Variants in SH2D4A observed in about 807,000 individuals in gnomAD.
SH2D4A encodes SH2 domain containing 4A, also known as SH2 domain-containing protein 4A.
SH2D4A carries 70 observed loss-of-function variants against 64.7 expected under a neutral mutation model. The observed-to-expected ratio is 1.08, with a 90% CI of 0.89 to 1.32. The LOEUF (loss-of-function observed/expected upper bound fraction) is 1.32. Among genes scored for constraint, SH2D4A ranks in the 40% most tolerant of loss-of-function variants. The pLI, the probability that SH2D4A is intolerant of heterozygous loss-of-function variation, is 0.00. For synonymous variants in SH2D4A, 268 were observed against 200.7 expected, an observed-to-expected ratio of 1.34 and a Z score of -2.83; for missense variants, 706 against 540.1, an observed-to-expected ratio of 1.31 and a Z score of -3.04.
At chr8:19,363,598 T>C (rs574435229) in intron 6 of SH2D4A, among the ~76,000 whole-genome samples, 13 of 152,312 alleles carry the variant, frequency 8.5e-5, no homozygotes, top group African/African-American at 3.1e-4. Flanking sequence ...TCCTGCTCTC[T>C]GCTCCTTCAC....
intron 8 of SH2D4A, among the ~76,000 whole-genome samples, chr8:19,379,568 C>T (rs11988761): frequency 0.68 from 103,667 of 151,960 alleles, 35,688 homozygotes; most frequent in East Asian, 0.93. Flanking sequence ...GGTAATTCTA[C>T]GGTTGAACTT....
chr8:19,344,273 C>T lies in SH2D4A; in HGVS notation c.513+9416C>T, dbSNP rs186017092. ...GCCATGATGGGCTCTTATCTGGAGG[C>T]CCTGGAGAAGAATCCGCTTACAGGT... On this transcript the variant is annotated intron_variant, in intron 4 of 9. Coordinates refer to ENST00000265807, the MANE Select transcript of SH2D4A (RefSeq NM_022071.4). 1.8e-3 allele frequency among the ~76,000 whole-genome samples: 281 copies of T among 152,110 alleles called. 4 individuals carry two copies. Among genetic ancestry groups the T allele is most frequent in the Non-Finnish European group, 8.8e-4 (60 of 68,002 alleles).
At chr8:19,342,284 C>A (rs2117232642) in intron 4 of SH2D4A, among the ~76,000 whole-genome samples, 1 of 152,284 alleles carries the variant, frequency 6.6e-6, no homozygotes, top group South Asian at 2.1e-4. Context: ...TAGTCAGAGT[C>A]CTCTTTGAGC....
chr8:19,372,287 G>C (rs958950611), intron 7 of SH2D4A, among the ~76,000 whole-genome samples: 5 of 152,152 alleles, frequency 3.3e-5, no homozygotes, highest in Non-Finnish European at 7.4e-5. Context: ...GCTTGCTGCA[G>C]CTCTCCCAAG....
chr8:19,334,179 A>G (rs1372551774), intron 3 of SH2D4A, among the ~76,000 whole-genome samples: 2 of 152,100 alleles, frequency 1.3e-5, no homozygotes, highest in African/African-American at 2.4e-5. Context: ...TGGGACAGAC[A>G]TGAGGACCAC....
At chr8:19,367,257 G>C (rs2153649205) in intron 7 of SH2D4A, among the ~76,000 whole-genome samples, 1 of 152,252 alleles carries the variant, frequency 6.6e-6, no homozygotes, top group Non-Finnish European at 1.5e-5. Context: ...ATTTCCTTTT[G>C]ACGTAGACCC....
chr8:19,356,676 A>C (rs1585176547), intron 4 of SH2D4A, among the ~76,000 whole-genome samples: 1 of 152,316 alleles, frequency 6.6e-6, no homozygotes, highest in Admixed American at 6.5e-5. Context: ...CTAGAGCAGG[A>C]GAAACATAGA....
intron 7 of SH2D4A, among the ~76,000 whole-genome samples, chr8:19,364,709 C>T (rs1349209047): frequency 6.6e-6 from 1 of 152,156 alleles, no homozygotes; most frequent in Non-Finnish European, 1.5e-5. Flanking sequence ...CAAAGGCTTG[C>T]TGACTTTCGT....
chr8:19,387,925 C>T (rs531242662), intron 8 of SH2D4A, among the ~76,000 whole-genome samples: 2 of 152,282 alleles, frequency 1.3e-5, no homozygotes, highest in South Asian at 2.1e-4. Flanking sequence ...GGATGAATAA[C>T]GCTAATAGTT....
intron 6 of SH2D4A, among the ~76,000 whole-genome samples, chr8:19,363,386 G>A (rs144846271): frequency 4.6e-5 from 7 of 152,048 alleles, no homozygotes; most frequent in African/African-American, 1.4e-4. Context: ...CTTATGTTGG[G>A]GGTATTTAGA....
In SH2D4A at chr8:19,393,474, C is replaced by G. The variant is rs749363544; in HGVS notation, c.1205C>G (p.Ala402Gly). Residue 402 changes from alanine (A) to glycine (G), a missense_variant, in exon 9 of 10, where the codon GCC becomes GGC. Ala to Gly is a moderately conservative substitution (Grantham distance 60). Transcript: ENST00000265807. ...KHFLIDASAD[A>G]YSFLGVDQLQ... ...TTCCTCATCGATGCCTCTGCAGACG[C>G]CTACAGCTTCCTGGGCGTGGACCAG... 6.2e-7 allele frequency: 1 copy of G among 1,614,126 alleles called. No individual in the cohort carries two copies. The highest frequency in any genetic ancestry group is 1.7e-5 in the Admixed American group (1 of 60,006).
chr8:19,362,563 A>C (rs868746060), intron 6 of SH2D4A, among the ~76,000 whole-genome samples: 4 of 152,158 alleles, frequency 2.6e-5, no homozygotes, highest in Middle Eastern at 6.8e-3. Flanking sequence ...AACATGGTGA[A>C]ACTCCATCTC....
At chr8:19,387,502 A>C (rs2053410461) in intron 8 of SH2D4A, among the ~76,000 whole-genome samples, 1 of 152,268 alleles carries the variant, frequency 6.6e-6, no homozygotes, top group Admixed American at 6.5e-5. Context: ...AGCCTCCCAA[A>C]GTGCTGGGAT....
rs368028173 is a variant in SH2D4A at position 19,393,521 on chromosome 8, G to A, written c.1252G>A (p.Asp418Asn). Reference sequence around the variant, plus strand: ...CCAGCTACAGCATGCCACCTTGGCGGATTTGGTGGAATATCACAAGGTGAA... The same window carrying A: ...CCAGCTACAGCATGCCACCTTGGCGAATTTGGTGGAATATCACAAGGTGAA... ...VDQLQHATLA[D>N]LVEYHKEEPI... Residue 418 changes from aspartate (D) to asparagine (N), a missense_variant, in exon 9 of 10, where the codon GAT becomes AAT. Transcript: ENST00000265807. 1 of 1,614,164 alleles carries A rather than the reference G, an allele frequency of 6.2e-7. No individual in the cohort carries two copies. Among genetic ancestry groups the A allele is most frequent in the African/African-American group, 1.3e-5 (1 of 75,060 alleles).
At chr8:19,381,276 C>T (rs761300571) in intron 8 of SH2D4A, among the ~76,000 whole-genome samples, 1 of 152,204 alleles carries the variant, frequency 6.6e-6, no homozygotes, top group Non-Finnish European at 1.5e-5. Context: ...TCTTGAACTC[C>T]TGACCTCAAG....
intron 5 of SH2D4A, among the ~76,000 whole-genome samples, chr8:19,360,221 T>C (rs553002934): frequency 6.6e-6 from 1 of 152,212 alleles, no homozygotes; most frequent in Admixed American, 6.5e-5. Context: ...AACCTAATTC[T>C]CCTTTTAAAG....
chr8:19,340,234 G>A (rs1342505444), intron 4 of SH2D4A, among the ~76,000 whole-genome samples: 10 of 152,272 alleles, frequency 6.6e-5, no homozygotes, highest in Middle Eastern at 3.4e-3. Flanking sequence ...GCATTGTCGG[G>A]GGGTGGGGCA....
chr8:19,391,616 T>G (rs913087181), intron 8 of SH2D4A, among the ~76,000 whole-genome samples: 1 of 152,162 alleles, frequency 6.6e-6, no homozygotes, highest in Non-Finnish European at 1.5e-5. Flanking sequence ...CTTCATACAC[T>G]GGGACTCTGC....
intron 8 of SH2D4A, among the ~76,000 whole-genome samples, chr8:19,384,879 T>A (rs972310642): frequency 3.3e-5 from 5 of 152,216 alleles, no homozygotes; most frequent in Non-Finnish European, 1.5e-5. Flanking sequence ...TGGCAGGGAC[T>A]GGGAGTGGGA....
Sources: allele counts gnomAD v4.1 joint callset (sites outside exome capture counted in the v4.1 genomes callset), GRCh38; gene constraint gnomAD v4.1.1; transcripts MANE v1.5; gene names NCBI Gene and HGNC (gene_info 2026-07-23, HGNC 2026-07-21).